Variants in METTL8 observed in about 807,000 individuals in gnomAD.
The protein encoded by METTL8 is methyltransferase 8, tRNA N3-cytidine.
Under a neutral mutation model 48.7 loss-of-function variants are expected in METTL8, and 32 were observed. That is an observed-to-expected ratio of 0.66 (90% CI 0.50 to 0.88). The LOEUF is 0.88. Among genes scored for constraint, METTL8 ranks in the 40% least tolerant of loss-of-function variants. The pLI is 0.00. For synonymous variants in METTL8, 136 were observed against 157.1 expected, an observed-to-expected ratio of 0.87 and a Z score of 1.01; for missense variants, 464 against 474.4, an observed-to-expected ratio of 0.98 and a Z score of 0.20.
chr2:171,409,007 G>A (rs1352971328), intron 1 of METTL8, among the ~76,000 whole-genome samples: 1 of 152,170 alleles, frequency 6.6e-6, no homozygotes, highest in Admixed American at 6.5e-5. Context: ...CCACTAAGAT[G>A]CTGCTTAATT....
chr2:171,434,381 C>G (rs1440848312), upstream of METTL8: 3 of 916,072 alleles, frequency 3.3e-6, no homozygotes, highest in Admixed American at 4.0e-5. Context: ...TCTCCGCGCT[C>G]TGGCGGTGCA....
chr2:171,333,938 G>A lies in METTL8; in HGVS notation c.657-2071C>T, dbSNP rs575600169. On this transcript the variant is annotated intron_variant, in intron 5 of 9. Coordinates refer to ENST00000375258, the MANE Select transcript of METTL8 (RefSeq NM_001321154.2). Reference sequence around the variant, plus strand: ...TCTTATAGCTAAAGTTTCCAGAAAGGTGCCTGATTCAGAGTAAGCACTCAA... The same window carrying A: ...TCTTATAGCTAAAGTTTCCAGAAAGATGCCTGATTCAGAGTAAGCACTCAA... Among the ~76,000 whole-genome samples, 101 of 152,192 alleles carry A rather than the reference G, an allele frequency of 6.6e-4. 1 individual carries two copies. The highest frequency in any genetic ancestry group is 1.2e-3 in the Admixed American group (19 of 15,298).
chr2:171,419,070 C>T (rs1450082086), intron 1 of METTL8, among the ~76,000 whole-genome samples: 1 of 151,242 alleles, frequency 6.6e-6, no homozygotes, highest in Non-Finnish European at 1.5e-5. Context: ...TTCCTTTTGA[C>T]ATAGTTCCAT....
At chr2:171,369,402 C>T (rs1164999845) in intron 2 of METTL8, among the ~76,000 whole-genome samples, 1 of 152,188 alleles carries the variant, frequency 6.6e-6, no homozygotes, top group East Asian at 1.9e-4. Context: ...ATATGAGAAT[C>T]CAATTTCTTC....
chr2:171,376,851 C>T (rs771675318), intron 2 of METTL8, among the ~76,000 whole-genome samples: 13 of 151,862 alleles, frequency 8.6e-5, no homozygotes, highest in Non-Finnish European at 1.3e-4. Context: ...ACATTCCTAA[C>T]ATTTATATAG....
intron 3 of METTL8, among the ~76,000 whole-genome samples, chr2:171,356,084 C>T (rs1457524197): frequency 6.6e-6 from 1 of 152,180 alleles, no homozygotes; most frequent in African/African-American, 2.4e-5. Flanking sequence ...TAGACTGGAG[C>T]TGTTCCTATT....
chr2:171,346,833 A>G (rs1687313894), intron 3 of METTL8, among the ~76,000 whole-genome samples: 2 of 152,232 alleles, frequency 1.3e-5, no homozygotes. Flanking sequence ...GAGACATTAA[A>G]TATCAAACCT....
At chr2:171,344,279 TAAAG>T (rs903662468) in intron 3 of METTL8, among the ~76,000 whole-genome samples, 2 of 152,130 alleles carry the variant, frequency 1.3e-5, no homozygotes, top group Non-Finnish European at 2.9e-5. Flanking sequence ...TCAGAGGAAA[TAAAG>T]AATTTCCCCA....
chr2:171,415,845 A>AT, intron 1 of METTL8, among the ~76,000 whole-genome samples: 1 of 152,330 alleles, frequency 6.6e-6, no homozygotes, highest in South Asian at 2.1e-4. Context: ...CAAATAGCCA[A>AT]GGGTAAATGT....
chr2:171,380,257 T>C (rs1289404781), intron 2 of METTL8, among the ~76,000 whole-genome samples: 1 of 152,178 alleles, frequency 6.6e-6, no homozygotes, highest in Middle Eastern at 3.2e-3. Flanking sequence ...CTCAAAATAA[T>C]AAGAGCTATT....
intron 2 of METTL8, among the ~76,000 whole-genome samples, chr2:171,385,979 G>C (rs1416413826): frequency 6.6e-6 from 1 of 152,204 alleles, no homozygotes. Context: ...TTTCAAGTTA[G>C]AAATTCCTGG....
At chr2:171,402,192 C>T (rs1222772828) in intron 1 of METTL8, among the ~76,000 whole-genome samples, 1 of 151,940 alleles carries the variant, frequency 6.6e-6, no homozygotes, top group Non-Finnish European at 1.5e-5. Context: ...GAATTTCAGG[C>T]AGGAGGATTA....
At chr2:171,387,508 C>A (rs535194992) in intron 2 of METTL8, among the ~76,000 whole-genome samples, 2 of 150,842 alleles carry the variant, frequency 1.3e-5, no homozygotes, top group Middle Eastern at 3.4e-3. Flanking sequence ...CCAGCCAGGG[C>A]GACAGAGCGA....
chr2:171,339,133 A>G (rs1686436159), intron 4 of METTL8, 51 bp downstream of exon 4: 1 of 1,396,700 alleles, frequency 7.2e-7, no homozygotes, highest in African/African-American at 1.4e-5. Context: ...TACAGAATGT[A>G]CATTTTCAAA....
rs1301609628 is a variant in METTL8 at position 171,326,052 on chromosome 2, A to G, written c.957T>C (p.Arg319=). Reference sequence around the variant, plus strand: ...TGAATATACTATTACCCTTTTTAAAACGAAGCTGAGTCTTATCATATCTTC... The same window carrying G: ...TGAATATACTATTACCCTTTTTAAAGCGAAGCTGAGTCTTATCATATCTTC... ...DYGRYDKTQL[R]FKKGHCLSEN... The change falls in exon 8 of 10, where the codon CGT becomes CGC. Residue 319 remains arginine (R), a synonymous_variant. Coordinates refer to ENST00000375258, the MANE Select transcript of METTL8 (RefSeq NM_001321154.2). 3.3e-6 allele frequency: 5 copies of G among 1,535,746 alleles called. No individual in the cohort carries two copies. The South Asian group carries it at 4.8e-5, about 15-fold the overall frequency.
chr2:171,410,441 A>G (rs1376684800), intron 1 of METTL8, among the ~76,000 whole-genome samples: 1 of 152,164 alleles, frequency 6.6e-6, no homozygotes, highest in African/African-American at 2.4e-5. Context: ...CTTTCCAAAC[A>G]ACAACAAAAC....
chr2:171,383,632 A>C (rs968935311), intron 2 of METTL8, among the ~76,000 whole-genome samples: 1 of 152,220 alleles, frequency 6.6e-6, no homozygotes, highest in African/African-American at 2.4e-5. Context: ...GTGCTTACTT[A>C]TAAATGGCCG....
intron 1 of METTL8, among the ~76,000 whole-genome samples, chr2:171,404,114 A>C (rs1689945746): frequency 8.1e-6 from 1 of 124,184 alleles, no homozygotes; most frequent in African/African-American, 3.1e-5. Context: ...AGTTTAACTT[A>C]CAAATTAGGC....
chr2:171,330,149 T>G (rs1324635915), intron 7 of METTL8, among the ~76,000 whole-genome samples: 1 of 152,228 alleles, frequency 6.6e-6, no homozygotes, highest in African/African-American at 2.4e-5. Flanking sequence ...CAGGCCTGTG[T>G]GAAGCCAAAC....
Sources: gnomAD v4.1 joint callset for allele counts (sites outside exome capture counted in the v4.1 genomes callset) on GRCh38, gnomAD v4.1.1 for gene constraint, MANE v1.5 for transcripts, NCBI Gene and HGNC (gene_info 2026-07-23, HGNC 2026-07-21) for gene names.